Variants in GALNT14 observed in about 807,000 individuals in gnomAD.
GALNT14 encodes the protein UDP-GalNAc:polypeptide N-acetylgalactosaminyltransferase 14.
Under a neutral mutation model 77.5 loss-of-function variants are expected in GALNT14, and 60 were observed. The observed-to-expected ratio is 0.77, with a 90% CI of 0.63 to 0.96. GALNT14 has a LOEUF of 0.96. Ranked by LOEUF, GALNT14 falls within the 40% of genes least tolerant of loss-of-function variation. The pLI is 0.00. For synonymous variants in GALNT14, 280 were observed against 281.7 expected, an observed-to-expected ratio of 0.99 and a Z score of 0.06; for missense variants, 710 against 731.0, an observed-to-expected ratio of 0.97 and a Z score of 0.33.
intron 1 of GALNT14, among the ~76,000 whole-genome samples, chr2:31,120,541 A>G (rs958511886): frequency 1.7e-4 from 26 of 152,296 alleles, no homozygotes; most frequent in African/African-American, 6.0e-4. Context: ...TGTTTTAAAC[A>G]AATTAGTATC....
intron 6 of GALNT14, among the ~76,000 whole-genome samples, chr2:30,946,279 A>G (rs766257919): frequency 1.2e-4 from 19 of 152,286 alleles, no homozygotes; most frequent in African/African-American, 2.6e-4. Flanking sequence ...TGTGTCCCCA[A>G]TCAAATCTCA....
rs180785703 is a variant in GALNT14 at position 31,119,420 on chromosome 2, T to C, written c.129+18538A>G. ...GGAGAGGATATGAATAGACCCCTCA[T>C]AGAAGGGCAAGATCCTTACATGCAA... On this transcript the variant is annotated intron_variant, in intron 1 of 14. Coordinates refer to ENST00000349752, the MANE Select transcript of GALNT14 (RefSeq NM_024572.4). Among the ~76,000 whole-genome samples, 8 of 152,274 alleles carry C rather than the reference T, an allele frequency of 5.3e-5. No homozygotes were observed. The East Asian group carries it at 1.4e-3, about 26-fold the overall frequency.
chr2:31,066,527 G>C (rs1352989923), intron 1 of GALNT14, among the ~76,000 whole-genome samples: 1 of 152,138 alleles, frequency 6.6e-6, no homozygotes, highest in Non-Finnish European at 1.5e-5. Flanking sequence ...GGGCCGTGCA[G>C]GGAAGCCTTT....
At chr2:31,040,280 T>C (rs1466060389) in intron 1 of GALNT14, among the ~76,000 whole-genome samples, 1 of 152,164 alleles carries the variant, frequency 6.6e-6, no homozygotes, top group Non-Finnish European at 1.5e-5. Flanking sequence ...GAACAAGAGG[T>C]ATTTTCCTTC....
chr2:31,033,500 G>A (rs1304512265), intron 1 of GALNT14, among the ~76,000 whole-genome samples: 1 of 152,106 alleles, frequency 6.6e-6, no homozygotes, highest in African/African-American at 2.4e-5. Context: ...TTCTGATAAT[G>A]CTATTTTTGC....
chr2:31,132,811 A>T (rs1202984551), intron 1 of GALNT14: 3 of 458,240 alleles, frequency 6.5e-6, no homozygotes, highest in South Asian at 4.8e-5. Context: ...CCATAAGATT[A>T]AAAATGATGG....
intron 13 of GALNT14, among the ~76,000 whole-genome samples, chr2:30,916,705 AGACGGGC>A (rs1664699915): frequency 6.6e-6 from 1 of 152,208 alleles, no homozygotes; most frequent in African/African-American, 2.4e-5. Flanking sequence ...GCTGGGATGC[AGACGGGC>A]CACAGCACCC....
At chr2:31,033,774 C>T (rs1053450403) in intron 1 of GALNT14, among the ~76,000 whole-genome samples, 10 of 152,154 alleles carry the variant, frequency 6.6e-5, no homozygotes, top group African/African-American at 1.9e-4. Context: ...GTGATGCCCA[C>T]GTGTTAGTTC....
chr2:31,055,283 G>T (rs1674138768), intron 1 of GALNT14, among the ~76,000 whole-genome samples: 3 of 152,312 alleles, frequency 2.0e-5, no homozygotes, highest in African/African-American at 7.2e-5. Context: ...CCAGCATACT[G>T]CTTTTCATTT....
chr2:30,974,181 C>G (rs1297039850), intron 2 of GALNT14, among the ~76,000 whole-genome samples: 1 of 152,208 alleles, frequency 6.6e-6, no homozygotes, highest in Non-Finnish European at 1.5e-5. Context: ...GTGCCAAAAC[C>G]AAGAGATATT....
chr2:30,915,705 C>T (rs951091048), intron 13 of GALNT14, among the ~76,000 whole-genome samples: 3 of 152,192 alleles, frequency 2.0e-5, no homozygotes, highest in African/African-American at 4.8e-5. Context: ...CTGGTGGCTT[C>T]GTTTGGGGGC....
At chr2:30,967,066 G>A (rs1024455624) in intron 2 of GALNT14, among the ~76,000 whole-genome samples, 9 of 152,128 alleles carry the variant, frequency 5.9e-5, no homozygotes, top group Admixed American at 2.0e-4. Context: ...TTGCTATTTC[G>A]GGGGATGTTC....
intron 2 of GALNT14, among the ~76,000 whole-genome samples, chr2:30,972,833 G>T (rs890938620): frequency 6.6e-6 from 1 of 152,212 alleles, no homozygotes; most frequent in Non-Finnish European, 1.5e-5. Flanking sequence ...GCTCCTGGGT[G>T]GTAACAGGAA....
intron 1 of GALNT14, among the ~76,000 whole-genome samples, chr2:31,025,464 A>G (rs1035094926): frequency 6.6e-6 from 1 of 152,168 alleles, no homozygotes; most frequent in African/African-American, 2.4e-5. Context: ...CAAGCTAAGG[A>G]GGCCACTGGA....
intron 2 of GALNT14, among the ~76,000 whole-genome samples, chr2:30,966,908 A>G (rs1668045261): frequency 6.6e-6 from 1 of 152,250 alleles, no homozygotes. Context: ...TATGACAATT[A>G]CATCTGGGGT....
At chr2:30,993,985 C>G (rs1669872371) in intron 1 of GALNT14, among the ~76,000 whole-genome samples, 1 of 152,222 alleles carries the variant, frequency 6.6e-6, no homozygotes, top group Non-Finnish European at 1.5e-5. Flanking sequence ...CCTTGAGAAG[C>G]TGGACACTTA....
At chr2:31,021,820 G>A (rs1383601763) in intron 1 of GALNT14, among the ~76,000 whole-genome samples, 5 of 152,228 alleles carry the variant, frequency 3.3e-5, no homozygotes, top group African/African-American at 1.2e-4. Flanking sequence ...TGGCATGGAA[G>A]GCCGGAAGTC....
intron 13 of GALNT14, among the ~76,000 whole-genome samples, chr2:30,921,812 G>A (rs997173335): frequency 1.3e-5 from 2 of 152,206 alleles, no homozygotes; most frequent in Admixed American, 6.5e-5. Flanking sequence ...TTTGATGGCC[G>A]TGACTTGTGT....
intron 1 of GALNT14, among the ~76,000 whole-genome samples, chr2:31,049,886 A>G (rs958008581): frequency 2.0e-5 from 3 of 152,214 alleles, no homozygotes; most frequent in Non-Finnish European, 2.9e-5. Flanking sequence ...TTTAAATAAT[A>G]AACATTTTTA....
Sources: gnomAD v4.1 joint callset for allele counts (sites outside exome capture counted in the v4.1 genomes callset) on GRCh38, gnomAD v4.1.1 for gene constraint, MANE v1.5 for transcripts, NCBI Gene and HGNC (gene_info 2026-07-23, HGNC 2026-07-21) for gene names.